Variants in DPP10 observed in about 807,000 individuals in gnomAD.
DPP10 encodes the protein dipeptidyl peptidase like 10.
DPP10 carries 33 observed loss-of-function variants against 120.9 expected under a neutral mutation model. The observed-to-expected ratio is 0.27, with a 90% CI of 0.21 to 0.37. DPP10 has a LOEUF of 0.37. Ranked by LOEUF, DPP10 falls within the 10% of genes least tolerant of loss-of-function variation. The pLI is 1.00. For synonymous variants in DPP10, 337 were observed against 326.1 expected (o/e 1.03, Z -0.36); for missense variants, 816 against 942.8 (o/e 0.87, Z 1.76).
intron 1 of DPP10, among the ~76,000 whole-genome samples, chr2:114,687,177 C>T (rs974240386): frequency 4.6e-5 from 7 of 151,910 alleles, no homozygotes; most frequent in African/African-American, 1.7e-4. Flanking sequence ...CATTGGTTGG[C>T]TTGAACCTTT....
At chr2:114,965,790 C>G (rs113811337) in intron 1 of DPP10, among the ~76,000 whole-genome samples, 10 of 151,278 alleles carry the variant, frequency 6.6e-5, no homozygotes, top group African/African-American at 2.2e-4. Flanking sequence ...CACGGTGAAA[C>G]CCTGTCTCTA....
At chr2:114,777,541 G>C (rs572541635) in intron 1 of DPP10, among the ~76,000 whole-genome samples, 48 of 152,166 alleles carry the variant, frequency 3.2e-4, no homozygotes, top group Admixed American at 9.2e-4. Context: ...AAACAGCAAG[G>C]AAAGAAGGAA....
At chr2:114,636,322 A>G (rs1695299500) in intron 1 of DPP10, among the ~76,000 whole-genome samples, 1 of 152,040 alleles carries the variant, frequency 6.6e-6, no homozygotes, top group Non-Finnish European at 1.5e-5. Flanking sequence ...AATAATTTTT[A>G]TAGCTTCAAC....
At chr2:114,753,635 C>A (rs759130230) in intron 1 of DPP10, among the ~76,000 whole-genome samples, 1 of 152,002 alleles carries the variant, frequency 6.6e-6, no homozygotes, top group African/African-American at 2.4e-5. Context: ...ATGGGCTGGG[C>A]GCGGTGGCTC....
chr2:115,131,603 A>C (rs1233553760), intron 1 of DPP10, among the ~76,000 whole-genome samples: 1 of 152,186 alleles, frequency 6.6e-6, no homozygotes, highest in Non-Finnish European at 1.5e-5. Flanking sequence ...TAAAAGTTCA[A>C]ATTGATTCTG....
intron 5 of DPP10, among the ~76,000 whole-genome samples, chr2:115,549,057 A>T (rs1218045294): frequency 6.6e-6 from 1 of 152,154 alleles, no homozygotes; most frequent in African/African-American, 2.4e-5. Context: ...GCAAATACTT[A>T]ATCAGGCCTC....
chr2:115,159,959 G>A (rs943380630), intron 1 of DPP10, among the ~76,000 whole-genome samples: 1 of 152,028 alleles, frequency 6.6e-6, no homozygotes, highest in African/African-American at 2.4e-5. Flanking sequence ...CAGATTGTCC[G>A]AAATGGAAAC....
At chr2:115,740,974 G>T (rs539817018) in intron 9 of DPP10, among the ~76,000 whole-genome samples, 2 of 152,096 alleles carry the variant, frequency 1.3e-5, no homozygotes, top group African/African-American at 4.8e-5. Context: ...AGCACAATAG[G>T]TTTTCTGCCG....
chr2:114,893,661 T>C (rs1692726816), intron 1 of DPP10, among the ~76,000 whole-genome samples: 1 of 152,118 alleles, frequency 6.6e-6, no homozygotes, highest in Admixed American at 6.6e-5. Context: ...CAAAACAAAG[T>C]TTGATCTTTA....
Position 114,810,225 on chromosome 2 carries a change from G to C in DPP10, c.60+367387G>C, listed in dbSNP as rs111799280. Reference sequence around the variant, plus strand: ...TACTTTATTATCATAAATATGAAGAGTGATTTCTAGCTAGAGTAATAGCTA... The same window carrying C: ...TACTTTATTATCATAAATATGAAGACTGATTTCTAGCTAGAGTAATAGCTA... On this transcript the variant is annotated intron_variant, in intron 1 of 25. Transcript: ENST00000410059. Among the ~76,000 whole-genome samples, 9 of 152,302 alleles carry C rather than the reference G, an allele frequency of 5.9e-5. No homozygotes were observed. In the East Asian group the frequency reaches 1.7e-3, roughly 29 times the overall value.
chr2:114,661,161 T>C (rs111782371), intron 1 of DPP10, among the ~76,000 whole-genome samples: 1 of 152,036 alleles, frequency 6.6e-6, no homozygotes, highest in Non-Finnish European at 1.5e-5. Context: ...TAAAAAAAAA[T>C]CTTTCAGTCA....
intron 1 of DPP10, among the ~76,000 whole-genome samples, chr2:114,926,277 G>A (rs536845062): frequency 5.3e-5 from 8 of 152,132 alleles, no homozygotes; most frequent in Admixed American, 1.3e-4. Flanking sequence ...ATGATACTTG[G>A]TCCAGATAAC....
In DPP10 at chr2:114,906,394, A is replaced by G. The variant is rs10191822; in HGVS notation, c.61-402845A>G. Among the ~76,000 whole-genome samples the G allele has an allele frequency of 3.8e-3, 579 of 152,074 alleles. 2 individuals are homozygous for G. The highest frequency in any genetic ancestry group is 0.014 in the African/African-American group (566 of 41,478). On this transcript the variant is annotated intron_variant, in intron 1 of 25. Coordinates refer to ENST00000410059, the MANE Select transcript of DPP10 (RefSeq NM_020868.6). ...GTGAGTTCTATCTCAAAAAAAAAAAAAAAGAAAAATTAGTGAACCTGGACA... is the reference window on the plus strand; with the variant it reads ...GTGAGTTCTATCTCAAAAAAAAAAAGAAAGAAAAATTAGTGAACCTGGACA...
intron 1 of DPP10, among the ~76,000 whole-genome samples, chr2:114,988,194 A>G (rs761839553): frequency 2.0e-5 from 3 of 152,192 alleles, no homozygotes; most frequent in African/African-American, 7.2e-5. Flanking sequence ...ACCAAATTTT[A>G]TGTACCCAAG....
At chr2:114,867,595 G>A (rs1690343482) in intron 1 of DPP10, among the ~76,000 whole-genome samples, 1 of 152,102 alleles carries the variant, frequency 6.6e-6, no homozygotes, top group Admixed American at 6.5e-5. Flanking sequence ...TACGAGCCTT[G>A]GCGTCTGTCT....
At position 115,244,867 on chromosome 2, in the gene DPP10, G is replaced by T. The variant is rs2058462925; in HGVS notation, c.61-64372G>T. ...TATACATATATATATAATTTCATTA[G>T]TTTGGGGGAACAGGTGTTTTCTGTT... On this transcript the variant is annotated intron_variant, in intron 1 of 25. Coordinates refer to ENST00000410059, the MANE Select transcript of DPP10 (RefSeq NM_020868.6). Among the ~76,000 whole-genome samples the T allele has an allele frequency of 2.0e-5, 3 of 149,266 alleles. 1 individual carries two copies. The South Asian group carries it at 6.3e-4, about 31-fold the overall frequency.
At chr2:115,359,583 A>T (rs1398636681) in intron 3 of DPP10, among the ~76,000 whole-genome samples, 1 of 152,102 alleles carries the variant, frequency 6.6e-6, no homozygotes, top group African/African-American at 2.4e-5. Context: ...TGGAAAATCT[A>T]TTGAATATGT....
chr2:115,067,491 AT>A (rs1323551341), intron 1 of DPP10, among the ~76,000 whole-genome samples: 1 of 145,824 alleles, frequency 6.9e-6, no homozygotes, highest in East Asian at 2.3e-4. Flanking sequence ...TGACCTCGTG[AT>A]CCCCCCGCCT....
chr2:114,482,390 G>T (rs546039416), intron 1 of DPP10, among the ~76,000 whole-genome samples: 4 of 152,248 alleles, frequency 2.6e-5, no homozygotes, highest in African/African-American at 7.2e-5. Context: ...TATATGCCTT[G>T]TAAATTCCAT....
Sources: allele counts gnomAD v4.1 joint callset (sites outside exome capture counted in the v4.1 genomes callset), GRCh38; gene constraint gnomAD v4.1.1; transcripts MANE v1.5; gene names NCBI Gene and HGNC (gene_info 2026-07-23, HGNC 2026-07-21).